The following NBEA variants were observed in gnomAD, a reference collection of about 807,000 sequenced individuals.
NBEA encodes the protein neurobeachin.
A neutral mutation model predicts 343.4 loss-of-function variants in NBEA; 44 were observed. The observed-to-expected ratio is 0.13, with a 90% CI of 0.10 to 0.16. NBEA has a LOEUF of 0.16. Ranked by LOEUF, NBEA falls within the 10% of genes least tolerant of loss-of-function variation. The pLI is 1.00. For synonymous variants in NBEA, 1,175 were observed against 1,238.7 expected, an observed-to-expected ratio of 0.95 and a Z score of 1.08; for missense variants, 2,555 against 3,631.3, an observed-to-expected ratio of 0.70 and a Z score of 7.62.
intron 1 of NBEA, among the ~76,000 whole-genome samples, chr13:35,018,182 A>C (rs1593479335): frequency 6.6e-6 from 1 of 152,098 alleles, no homozygotes; most frequent in African/African-American, 2.4e-5. Context: ...CTGGTAGTTT[A>C]GGGCCTCTCA....
chr13:35,372,736 G>A (rs537049256), intron 38 of NBEA, among the ~76,000 whole-genome samples: 1 of 152,136 alleles, frequency 6.6e-6, no homozygotes, highest in Admixed American at 6.5e-5. Context: ...CACCATTTCT[G>A]GGGGCAGTGG....
Position 35,671,297 on chromosome 13 carries a change from T to G in NBEA, c.*306T>G, listed in dbSNP as rs962021624. The G allele has an allele frequency of 4.7e-6, 1 of 211,844 alleles. No homozygotes were observed. Among genetic ancestry groups the G allele is most frequent in the Non-Finnish European group, 9.5e-6 (1 of 105,520 alleles). 13.1% of individuals were successfully genotyped at this position (211,844 alleles called of 1,614,324 possible). A position where few individuals can be genotyped will look rare whatever the true frequency, so the allele number is the denominator to read the frequency against. On this transcript the variant is annotated 3_prime_UTR_variant, in exon 59 of 59. Transcript: ENST00000379939. ...TTGTAGGATGTGTCACAAGAGACTT[T>G]TGACAATTCTGAGGAACCTTGTGTC...
At chr13:35,020,735 G>A (rs997946197) in intron 1 of NBEA, among the ~76,000 whole-genome samples, 1 of 152,116 alleles carries the variant, frequency 6.6e-6, no homozygotes, top group African/African-American at 2.4e-5. Flanking sequence ...GGCCAGGCTG[G>A]TCTCAAACTC....
At chr13:35,264,729 A>T (rs2033520971) in intron 34 of NBEA, among the ~76,000 whole-genome samples, 1 of 151,866 alleles carries the variant, frequency 6.6e-6, no homozygotes, top group African/African-American at 2.4e-5. Flanking sequence ...CTACAACTTC[A>T]GAAGGAATAT....
intron 1 of NBEA, among the ~76,000 whole-genome samples, chr13:34,980,377 CT>C (rs1339063766): frequency 6.6e-6 from 1 of 151,774 alleles, no homozygotes; most frequent in East Asian, 1.9e-4. Context: ...TTAAAAATTT[CT>C]TCCAGCAATG....
At chr13:35,255,036 A>C (rs1226553876) in intron 34 of NBEA, among the ~76,000 whole-genome samples, 1 of 152,238 alleles carries the variant, frequency 6.6e-6, no homozygotes, top group Non-Finnish European at 1.5e-5. Context: ...AAAACTAAAA[A>C]ATAAAATGCG....
intron 39 of NBEA, among the ~76,000 whole-genome samples, chr13:35,442,080 T>C (rs941098726): frequency 4.6e-5 from 7 of 152,126 alleles, no homozygotes; most frequent in Non-Finnish European, 1.0e-4. Context: ...GAAAAACATA[T>C]GCTCATTATA....
At chr13:35,468,059 GC>G (rs2075464659) in intron 40 of NBEA, among the ~76,000 whole-genome samples, 1 of 149,748 alleles carries the variant, frequency 6.7e-6, no homozygotes, top group Non-Finnish European at 1.5e-5. Context: ...AGCCATCGTT[GC>G]CTTTTAATCA....
intron 11 of NBEA, among the ~76,000 whole-genome samples, chr13:35,099,787 C>G (rs899054429): frequency 3.3e-5 from 5 of 151,990 alleles, no homozygotes; most frequent in African/African-American, 9.7e-5. Context: ...TTGCTTTAGT[C>G]AAAGCTGTGC....
At chr13:35,290,590 TTA>T in intron 35 of NBEA, 140 bp downstream of exon 35, 2 of 572,202 alleles carry the variant, frequency 3.5e-6, no homozygotes, top group Middle Eastern at 5.0e-4. Context: ...AGAAAATAAT[TTA>T]TGTTGAGTTT....
At chr13:35,491,496 G>A (rs1386869938) in intron 41 of NBEA, among the ~76,000 whole-genome samples, 1 of 151,798 alleles carries the variant, frequency 6.6e-6, no homozygotes, top group Admixed American at 6.6e-5. Context: ...GTAAACTGCA[G>A]TGCCTTTTTT....
At chr13:35,581,527 T>G (rs2081034846) in intron 45 of NBEA, among the ~76,000 whole-genome samples, 1 of 151,958 alleles carries the variant, frequency 6.6e-6, no homozygotes, top group African/African-American at 2.4e-5. Context: ...TATTAGCCCT[T>G]TGTCAGATGA....
intron 51 of NBEA, among the ~76,000 whole-genome samples, chr13:35,648,180 C>CTTTTTT (rs949635885): frequency 1.9e-5 from 2 of 104,154 alleles, no homozygotes; most frequent in Non-Finnish European, 3.9e-5. Flanking sequence ...TGTTTAAACT[C>CTTTTTT]TTTTTTTTTT....
intron 46 of NBEA, among the ~76,000 whole-genome samples, chr13:35,592,409 T>C (rs2081579052): frequency 6.6e-6 from 1 of 152,124 alleles, no homozygotes; most frequent in African/African-American, 2.4e-5. Flanking sequence ...ATAGACAGAT[T>C]AACAATCAAT....
chr13:34,958,142 A>G (rs1010177730), intron 1 of NBEA, among the ~76,000 whole-genome samples: 5 of 152,082 alleles, frequency 3.3e-5, no homozygotes, highest in Admixed American at 2.6e-4. Context: ...AATTCATTTT[A>G]CCTGTTTATA....
chr13:35,309,686 A>T (rs371003534), intron 36 of NBEA, 94 bp downstream of exon 36: 3 of 645,802 alleles, frequency 4.6e-6, no homozygotes, highest in African/African-American at 1.9e-5. Flanking sequence ...AAAATGTAGA[A>T]GAAAATGTCT....
intron 36 of NBEA, among the ~76,000 whole-genome samples, chr13:35,315,848 T>C (rs1440395544): frequency 6.6e-6 from 1 of 152,144 alleles, no homozygotes; most frequent in African/African-American, 2.4e-5. Context: ...CTAGTTAATA[T>C]TTTAACCAAC....
chr13:35,251,617 G>T, intron 34 of NBEA: 3 of 1,162,260 alleles, frequency 2.6e-6, no homozygotes, highest in Non-Finnish European at 3.3e-6. Flanking sequence ...GCGGGAAGCA[G>T]AGATGGCCAG....
At chr13:35,000,104 A>G (rs2061076495) in intron 1 of NBEA, among the ~76,000 whole-genome samples, 1 of 152,146 alleles carries the variant, frequency 6.6e-6, no homozygotes, top group African/African-American at 2.4e-5. Context: ...TCCTATCCAG[A>G]CATTAACATT....
Sources: allele counts gnomAD v4.1 joint callset (sites outside exome capture counted in the v4.1 genomes callset), GRCh38; gene constraint gnomAD v4.1.1; transcripts MANE v1.5; gene names NCBI Gene and HGNC (gene_info 2026-07-23, HGNC 2026-07-21).